ZFAND6: variants seen among roughly 807,000 people sequenced by gnomAD.
The protein encoded by ZFAND6 is AN1-type zinc finger protein 6.
Under a neutral mutation model 24.5 loss-of-function variants are expected in ZFAND6, and 12 were observed. That is an observed-to-expected ratio of 0.49 (90% confidence interval 0.31 to 0.79). The LOEUF (loss-of-function observed/expected upper bound fraction) is 0.79. ZFAND6 is among the 30% of genes least tolerant of loss of function. ZFAND6 has a pLI of 0.04. For synonymous variants in ZFAND6, 92 were observed against 81.5 expected (o/e 1.13, Z -0.69); for missense variants, 207 against 245.9 (o/e 0.84, Z 1.06).
At chr15:80,076,611 C>A (rs913300228) in intron 1 of ZFAND6, among the ~76,000 whole-genome samples, 11 of 152,176 alleles carry the variant, frequency 7.2e-5, no homozygotes, top group Non-Finnish European at 1.3e-4. Flanking sequence ...GGTCCCCACG[C>A]TAAGTACTGT....
At chr15:80,118,291 T>A in intron 2 of ZFAND6, among the ~76,000 whole-genome samples, 1 of 146,944 alleles carries the variant, frequency 6.8e-6, no homozygotes, top group Non-Finnish European at 1.5e-5. Context: ...CCCGGCTAGT[T>A]TTTTTGTATT....
intron 2 of ZFAND6, among the ~76,000 whole-genome samples, chr15:80,110,085 C>T (rs909980654): frequency 6.6e-6 from 1 of 152,188 alleles, no homozygotes; most frequent in Admixed American, 6.5e-5. Context: ...CCCTCAGCTT[C>T]TCCAGAGTGA....
chr15:80,115,566 A>G (rs1005869342), intron 2 of ZFAND6, among the ~76,000 whole-genome samples: 1 of 152,130 alleles, frequency 6.6e-6, no homozygotes, highest in Non-Finnish European at 1.5e-5. Context: ...TAGCTACCCC[A>G]TCTATGCCAT....
intron 1 of ZFAND6, chr15:80,073,232 C>T: frequency 4.0e-6 from 1 of 253,070 alleles, no homozygotes; most frequent in South Asian, 3.5e-5. Flanking sequence ...CTGCTTTCTT[C>T]TTACTTCATT....
At chr15:80,126,639 C>T (rs996457384) in intron 5 of ZFAND6, among the ~76,000 whole-genome samples, 6 of 152,130 alleles carry the variant, frequency 3.9e-5, no homozygotes, top group African/African-American at 1.4e-4. Flanking sequence ...CAAAAATTCA[C>T]CCGAAATACA....
intron 1 of ZFAND6, among the ~76,000 whole-genome samples, chr15:80,066,335 C>A (rs1049214648): frequency 3.4e-5 from 5 of 147,174 alleles, no homozygotes; most frequent in African/African-American, 1.0e-4. Flanking sequence ...AAAAAAAAAA[C>A]GGAGTCTCAC....
chr15:80,099,581 T>C (rs2038919076), intron 2 of ZFAND6, among the ~76,000 whole-genome samples: 1 of 150,964 alleles, frequency 6.6e-6, no homozygotes. Context: ...AGAAAACATT[T>C]AGAAAACGTG....
intron 1 of ZFAND6, among the ~76,000 whole-genome samples, chr15:80,097,429 C>T (rs937091264): frequency 5.3e-5 from 8 of 152,230 alleles, no homozygotes; most frequent in African/African-American, 1.9e-4. Context: ...AGGTGGATCA[C>T]CTGAGGTCAG....
intron 2 of ZFAND6, chr15:80,112,976 G>C (rs964856069): frequency 2.5e-6 from 1 of 396,606 alleles, no homozygotes; most frequent in African/African-American, 2.1e-5. Context: ...TGAGCAGTTA[G>C]TTTTCCAGTG....
chr15:80,104,600 C>T (rs1197464026), intron 2 of ZFAND6, among the ~76,000 whole-genome samples: 1 of 152,146 alleles, frequency 6.6e-6, no homozygotes, highest in Admixed American at 6.5e-5. Flanking sequence ...GTATTATTGA[C>T]CATATCATTT....
At chr15:80,131,906 GA>G (rs2040623417) in intron 6 of ZFAND6, among the ~76,000 whole-genome samples, 1 of 152,188 alleles carries the variant, frequency 6.6e-6, no homozygotes, top group Admixed American at 6.5e-5. Context: ...GCCCAGCAAG[GA>G]AAGGACCATG....
At chr15:80,062,782 C>T (rs1456766975) in intron 1 of ZFAND6, among the ~76,000 whole-genome samples, 3 of 152,156 alleles carry the variant, frequency 2.0e-5, no homozygotes, top group Non-Finnish European at 4.4e-5. Flanking sequence ...TAAGAAAAGC[C>T]ACCTATAACA....
At chr15:80,119,472 C>T (rs761952710) in intron 2 of ZFAND6, among the ~76,000 whole-genome samples, 3 of 151,958 alleles carry the variant, frequency 2.0e-5, no homozygotes, top group Non-Finnish European at 4.4e-5. Flanking sequence ...ATATAGTATA[C>T]GCATTTCATA....
chr15:80,090,277 C>G (rs948985931), intron 1 of ZFAND6, among the ~76,000 whole-genome samples: 12 of 152,294 alleles, frequency 7.9e-5, no homozygotes, highest in African/African-American at 2.9e-4. Flanking sequence ...GTGACCACAA[C>G]TCTGTCAGAA....
chr15:80,136,018 C>G (rs1313835050), intron 6 of ZFAND6, among the ~76,000 whole-genome samples: 1 of 151,428 alleles, frequency 6.6e-6, no homozygotes, highest in Non-Finnish European at 1.5e-5. Flanking sequence ...CCCAGCTACT[C>G]AGAAGGCTGA....
At chr15:80,134,835 G>C (rs1490531802) in intron 6 of ZFAND6, among the ~76,000 whole-genome samples, 2 of 152,184 alleles carry the variant, frequency 1.3e-5, no homozygotes, top group African/African-American at 2.4e-5. Context: ...ATTGACACTA[G>C]ACAGTCTGAC....
At chr15:80,080,920 A>G (rs569925647) in intron 1 of ZFAND6, among the ~76,000 whole-genome samples, 2 of 152,300 alleles carry the variant, frequency 1.3e-5, no homozygotes, top group African/African-American at 4.8e-5. Flanking sequence ...GTGTTAAGCT[A>G]TTCATGAGAA....
At chr15:80,120,523 C>G (rs1432790046) in intron 3 of ZFAND6, 25 bp downstream of exon 3, 1 of 1,474,074 alleles carries the variant, frequency 6.8e-7, no homozygotes. Context: ...TGAAACCCGT[C>G]TATATTCATA....
rs1224293221 is a variant in ZFAND6 at position 80,121,709 on chromosome 15, C to T, written c.155-3C>T. 1.9e-6 allele frequency: 3 copies of T among 1,613,126 alleles called. No individual in the cohort carries two copies. The highest frequency in any genetic ancestry group is 2.5e-6 in the Non-Finnish European group (3 of 1,179,466). On this transcript the variant is annotated splice_polypyrimidine_tract_variant and splice_region_variant and intron_variant, in intron 3 of 6. Coordinates refer to ENST00000261749, the MANE Select transcript of ZFAND6 (RefSeq NM_019006.4). ...ACTAATACGCAATGTGGTACTGTTA[C>T]AGCAACCTCTGTCAGTAGTCTGTCT...
Sources: gnomAD v4.1 joint callset for allele counts (sites outside exome capture counted in the v4.1 genomes callset) on GRCh38, gnomAD v4.1.1 for gene constraint, MANE v1.5 for transcripts, NCBI Gene and HGNC (gene_info 2026-07-23, HGNC 2026-07-21) for gene names.